CASS4: variants seen among roughly 807,000 people sequenced by gnomAD.
CASS4 encodes the protein Cas scaffold protein family member 4.
Under a neutral mutation model 54.2 loss-of-function variants are expected in CASS4, and 22 were observed. The observed-to-expected ratio is 0.41, with a 90% CI of 0.29 to 0.58. The LOEUF (loss-of-function observed/expected upper bound fraction) is 0.58. Among genes scored for constraint, CASS4 ranks in the 20% least tolerant of loss-of-function variants. CASS4 has a pLI of 0.36. For synonymous variants in CASS4, 409 were observed against 391.5 expected, an observed-to-expected ratio of 1.04 and a Z score of -0.53; for missense variants, 854 against 986.7, an observed-to-expected ratio of 0.87 and a Z score of 1.80.
Position 56,458,946 on chromosome 20 carries a change from C to T in CASS4, c.*199C>T. ...CCCGCAGGGGGTCAGGAAAGAGAGTCAGGTATGAGGTAAAGACCTTGTGAA... is the reference window on the plus strand; with the variant it reads ...CCCGCAGGGGGTCAGGAAAGAGAGTTAGGTATGAGGTAAAGACCTTGTGAA... On this transcript the variant is annotated 3_prime_UTR_variant, in exon 6 of 6. Coordinates refer to ENST00000679887, the MANE Select transcript of CASS4 (RefSeq NM_020356.4). 1.7e-6 allele frequency: 1 copy of T among 578,702 alleles called. No individual in the cohort carries two copies. Among genetic ancestry groups the T allele is most frequent in the Non-Finnish European group, 3.1e-6 (1 of 325,900 alleles). 35.8% of individuals were successfully genotyped at this position (578,702 alleles called of 1,614,324 possible).
chr20:56,421,628 C>T (rs941927493), intron 1 of CASS4, among the ~76,000 whole-genome samples: 1 of 152,040 alleles, frequency 6.6e-6, no homozygotes, highest in Non-Finnish European at 1.5e-5. Context: ...CCCAGGAGTT[C>T]GAGGCTGCAG....
At chr20:56,425,380 C>T (rs975611526) in intron 1 of CASS4, among the ~76,000 whole-genome samples, 1 of 152,224 alleles carries the variant, frequency 6.6e-6, no homozygotes, top group African/African-American at 2.4e-5. Context: ...GCCCTACTCT[C>T]AAGGAAGAGG....
Position 56,430,979 on chromosome 20 carries a change from C to T in CASS4, c.37-6185C>T, listed in dbSNP as rs1013959093. The stretch of plus-strand genomic sequence containing the variant: ...GTGACCTTTTGTTCTGAATGCAGTT[C>T]TAAGCAATTAGAGGTTTTTAAAATA... On this transcript the variant is annotated intron_variant, in intron 1 of 5. Coordinates refer to ENST00000679887, the MANE Select transcript of CASS4 (RefSeq NM_020356.4). The surrounding 1 kb of genome is among the most constrained non-coding windows in gnomAD (Gnocchi z 4.2). Among the ~76,000 whole-genome samples the T allele has an allele frequency of 6.6e-6, 1 of 152,144 alleles. No individual in the cohort carries two copies. The highest frequency in any genetic ancestry group is 2.4e-5 in the African/African-American group (1 of 41,420).
intron 5 of CASS4, among the ~76,000 whole-genome samples, chr20:56,457,537 G>A (rs1923117): frequency 0.09 from 13,681 of 151,984 alleles, 1,684 homozygotes; most frequent in African/African-American, 0.27. Flanking sequence ...TTAATATTAA[G>A]GCAAAAAATA....
intron 2 of CASS4, among the ~76,000 whole-genome samples, chr20:56,445,689 G>A (rs1301544072): frequency 6.6e-6 from 1 of 152,106 alleles, no homozygotes; most frequent in Admixed American, 6.5e-5. Flanking sequence ...GAACATCGTG[G>A]GCCACGTGCG....
At chr20:56,448,169 T>C (rs1246492673) in intron 3 of CASS4, among the ~76,000 whole-genome samples, 1 of 151,438 alleles carries the variant, frequency 6.6e-6, no homozygotes, top group Non-Finnish European at 1.5e-5. Flanking sequence ...TAGTTATCAA[T>C]GAAGACACAC....
intron 3 of CASS4, among the ~76,000 whole-genome samples, chr20:56,450,031 CTT>C (rs112371637): frequency 6.9e-6 from 1 of 145,698 alleles, no homozygotes. Flanking sequence ...GTTGAGAGGT[CTT>C]TTTTTTTTTT....
intron 1 of CASS4, among the ~76,000 whole-genome samples, chr20:56,422,020 C>A (rs919163254): frequency 6.6e-6 from 1 of 152,212 alleles, no homozygotes; most frequent in African/African-American, 2.4e-5. Flanking sequence ...GAAGCTATCT[C>A]ACTTTCAGGT....
chr20:56,448,197 C>T (rs1392487423), intron 3 of CASS4, among the ~76,000 whole-genome samples: 1 of 151,904 alleles, frequency 6.6e-6, no homozygotes, highest in Non-Finnish European at 1.5e-5. Flanking sequence ...ACTCATTTCA[C>T]TCATCTTGCC....
rs1252871219 is a variant in CASS4 at position 56,445,937 on chromosome 20, T to G, written c.497T>G (p.Leu166Arg). The G allele has an allele frequency of 3.1e-6, 5 of 1,613,948 alleles. No individual in the cohort carries two copies. Among genetic ancestry groups the G allele is most frequent in the Non-Finnish European group, 4.2e-6 (5 of 1,180,020 alleles). ...CTTCCCAGACCTGTCCGGGCCTCACTGCCGACTCTGCCTTCCCAGGTGTAT... is the reference window on the plus strand; with the variant it reads ...CTTCCCAGACCTGTCCGGGCCTCACGGCCGACTCTGCCTTCCCAGGTGTAT... ...LTLPRPVRAS[L>R]PTLPSQVYDV... Residue 166 changes from leucine to arginine, a missense_variant, in exon 3 of 6, where the codon CTG becomes CGG. Coordinates refer to ENST00000679887, the MANE Select transcript of CASS4 (RefSeq NM_020356.4).
upstream of CASS4, chr20:56,412,084 C>A (rs1275624714): frequency 1.3e-5 from 4 of 307,450 alleles, no homozygotes; most frequent in Non-Finnish European, 2.5e-5. This position sits in a 1 kb window ranked among gnomAD's most constrained non-coding sequence, Gnocchi z 4.2. Flanking sequence ...CTGAGCTCTT[C>A]GAAGTAGGAA....
Position 56,459,443 on chromosome 20 carries a change from G to C in CASS4, c.*696G>C. ...GTGCAATTCCTTATAGGGCTAGCTT[G>C]GTTCTTCTTCAATGTCTCCTTTTGG... On this transcript the variant is annotated 3_prime_UTR_variant, in exon 6 of 6. Coordinates refer to ENST00000679887, the MANE Select transcript of CASS4 (RefSeq NM_020356.4). The C allele has an allele frequency of 3.7e-6, 1 of 270,126 alleles. No homozygotes were observed. The highest frequency in any genetic ancestry group is 7.8e-6 in the Non-Finnish European group (1 of 128,500). 16.7% of individuals were successfully genotyped at this position (270,126 alleles called of 1,614,324 possible). A position where few individuals can be genotyped will look rare whatever the true frequency, so the allele number is the denominator to read the frequency against.
chr20:56,445,857 A>T, intron 2 of CASS4, 43 bp from the exon 3 acceptor site: 1 of 1,423,946 alleles, frequency 7.0e-7, no homozygotes, highest in Non-Finnish European at 9.9e-7. Flanking sequence ...TGATCATCAG[A>T]GTGACATTTC....
chr20:56,439,359 G>A (rs1402569829), intron 2 of CASS4, among the ~76,000 whole-genome samples: 2 of 151,630 alleles, frequency 1.3e-5, no homozygotes, highest in East Asian at 3.9e-4. Flanking sequence ...TAAAAACAGA[G>A]GAAAAAGAGC....
chr20:56,452,405 T>G lies in CASS4; in HGVS notation c.1229T>G (p.Val410Gly). 6.2e-7 allele frequency: 1 copy of G among 1,614,034 alleles called. No homozygotes were observed. Among genetic ancestry groups the G allele is most frequent in the Non-Finnish European group, 8.5e-7 (1 of 1,179,998 alleles). The change falls in exon 5 of 6, where the codon GTT becomes GGT. Residue 410 changes from valine to glycine, a missense_variant. Physicochemically the swap from Val to Gly is moderately radical, Grantham distance 109. Coordinates refer to ENST00000679887, the MANE Select transcript of CASS4 (RefSeq NM_020356.4). ...GSSSDSRASI[V>G]SSCSTTSTDD... ...AGTTCTGACAGCAGAGCTAGCATCG[T>G]TTCCTCGTGCTCCACCACATCCACC...
intron 1 of CASS4, among the ~76,000 whole-genome samples, chr20:56,431,456 T>C (rs750518258): frequency 2.6e-5 from 4 of 152,230 alleles, no homozygotes; most frequent in Non-Finnish European, 4.4e-5. Context: ...GTTTCATTCA[T>C]ATTGAGGGGA....
intron 1 of CASS4, among the ~76,000 whole-genome samples, chr20:56,420,861 C>T (rs975913728): frequency 6.6e-6 from 1 of 152,144 alleles, no homozygotes; most frequent in African/African-American, 2.4e-5. Flanking sequence ...AAGACATTCT[C>T]GGTAAGCCCC....
At chr20:56,436,903 A>G (rs1298298878) in intron 1 of CASS4, among the ~76,000 whole-genome samples, 1 of 152,064 alleles carries the variant, frequency 6.6e-6, no homozygotes, top group Admixed American at 6.6e-5. Context: ...AAAAACAAAC[A>G]GGGCCATGAA....
chr20:56,418,800 T>A (rs1406118911), intron 1 of CASS4, among the ~76,000 whole-genome samples: 1 of 152,178 alleles, frequency 6.6e-6, no homozygotes, highest in Non-Finnish European at 1.5e-5. Flanking sequence ...AATGTACCTT[T>A]CATTCCGTCA....
Sources: allele counts gnomAD v4.1 joint callset (sites outside exome capture counted in the v4.1 genomes callset), GRCh38; gene constraint gnomAD v4.1.1; non-coding constraint Gnocchi (gnomAD v3.1); transcripts MANE v1.5; gene names NCBI Gene and HGNC (gene_info 2026-07-23, HGNC 2026-07-21).